The following TMEM132D variants were observed in gnomAD, a reference collection of about 807,000 sequenced individuals.
The protein encoded by TMEM132D is mature OL transmembrane protein.
In TMEM132D, 21 loss-of-function variants were observed where a neutral mutation model predicts 62.3. The observed-to-expected ratio is 0.34, with a 90% CI of 0.24 to 0.49. TMEM132D has a LOEUF of 0.49. TMEM132D is among the 20% of genes least tolerant of loss of function. The pLI, the probability that TMEM132D is intolerant of heterozygous loss-of-function variation, is 0.99. For missense variants in TMEM132D, 1,346 were observed against 1,402.8 expected (o/e 0.96, Z 0.65); for synonymous variants, 621 against 575.6 (o/e 1.08, Z -1.13).
chr12:129,425,313 T>C (rs906675078), intron 3 of TMEM132D, among the ~76,000 whole-genome samples: 3 of 152,158 alleles, frequency 2.0e-5, no homozygotes, highest in Non-Finnish European at 4.4e-5. Context: ...TATTTAATGT[T>C]TTAAGAAACT....
At chr12:129,204,103 C>T (rs527513278) in intron 5 of TMEM132D, among the ~76,000 whole-genome samples, 1 of 152,300 alleles carries the variant, frequency 6.6e-6, no homozygotes, top group South Asian at 2.1e-4. Flanking sequence ...CACAAAAACT[C>T]TGGCAACTGA....
intron 3 of TMEM132D, among the ~76,000 whole-genome samples, chr12:129,420,304 C>CTGTTTTTTTTT (rs1566063046): frequency 2.9e-5 from 2 of 69,888 alleles, no homozygotes; most frequent in African/African-American, 1.3e-4. Flanking sequence ...TGCACGTTCT[C>CTGTTTTTTTTT]TGTTTTTTTT....
rs11060144 is a variant in TMEM132D at position 129,117,077 on chromosome 12, A to G, written c.1444-32375T>C. Among the ~76,000 whole-genome samples the G allele has an allele frequency of 6.9e-3, 1,044 of 152,314 alleles. 8 individuals are homozygous for G. The highest frequency in any genetic ancestry group is 0.024 in the African/African-American group (979 of 41,556). On this transcript the variant is annotated intron_variant, in intron 5 of 8. Transcript: ENST00000422113. ...ATATAATGGAACATTATTAATTGAT[A>G]AAAGGAAATGAATTGTTAAACCAAG...
intron 3 of TMEM132D, among the ~76,000 whole-genome samples, chr12:129,432,680 T>A (rs1872694363): frequency 6.6e-6 from 1 of 152,226 alleles, no homozygotes; most frequent in South Asian, 2.1e-4. Context: ...TTAATTAATT[T>A]AAAAAATACT....
Position 129,282,811 on chromosome 12 carries a change from CA to C in TMEM132D, c.1299+54822del, listed in dbSNP as rs575792343. Among the ~76,000 whole-genome samples the C allele has an allele frequency of 2.2e-3, 328 of 152,272 alleles. 1 individual carries two copies. The highest frequency in any genetic ancestry group is 7.5e-3 in the African/African-American group (311 of 41,554). Reference sequence around the variant, plus strand: ...ATGATAATCTATTGGAGGACATAGCCAAAAGCACAGGCAATGGAAAAGAAAG... The same window carrying C: ...ATGATAATCTATTGGAGGACATAGCCAAAGCACAGGCAATGGAAAAGAAAG... On this transcript the variant is annotated intron_variant, in intron 4 of 8. Coordinates refer to ENST00000422113, the MANE Select transcript of TMEM132D (RefSeq NM_133448.3).
At chr12:129,357,175 A>C (rs1870090872) in intron 3 of TMEM132D, among the ~76,000 whole-genome samples, 1 of 147,908 alleles carries the variant, frequency 6.8e-6, no homozygotes, top group African/African-American at 2.5e-5. Context: ...TGGACCCAGG[A>C]GGTGGAGCTT....
intron 4 of TMEM132D, among the ~76,000 whole-genome samples, chr12:129,279,163 C>A (rs1245322217): frequency 6.6e-6 from 1 of 152,212 alleles, no homozygotes; most frequent in Non-Finnish European, 1.5e-5. Context: ...ATTTCTGACT[C>A]ATGGGACGGC....
intron 2 of TMEM132D, among the ~76,000 whole-genome samples, chr12:129,590,611 G>A (rs181806625): frequency 6.6e-6 from 1 of 152,304 alleles, no homozygotes; most frequent in East Asian, 1.9e-4. Context: ...TCAGAAGAAA[G>A]TTGCATCTGC....
At chr12:129,841,937 T>G (rs1377980816) in intron 1 of TMEM132D, among the ~76,000 whole-genome samples, 4 of 150,352 alleles carry the variant, frequency 2.7e-5, no homozygotes, top group South Asian at 2.1e-4. Context: ...TTTCGTGTTT[T>G]TTTTTTTTTT....
At chr12:129,541,449 T>C (rs1385866919) in intron 2 of TMEM132D, among the ~76,000 whole-genome samples, 1 of 152,130 alleles carries the variant, frequency 6.6e-6, no homozygotes, top group Admixed American at 6.5e-5. Context: ...GTTTTCTCAT[T>C]TGGAAAAACA....
chr12:129,723,297 C>G (rs879411336), intron 1 of TMEM132D, among the ~76,000 whole-genome samples: 2 of 152,184 alleles, frequency 1.3e-5, no homozygotes, highest in Non-Finnish European at 2.9e-5. Flanking sequence ...GCAGCCAGCT[C>G]TTTAGTACCT....
chr12:129,877,213 C>T (rs114411639), intron 1 of TMEM132D, among the ~76,000 whole-genome samples: 1,977 of 124,012 alleles, frequency 0.016, 43 homozygotes, highest in African/African-American at 0.052. Flanking sequence ...TATATTAAAA[C>T]TATTAATATT....
chr12:129,636,410 T>C (rs1593099293), intron 2 of TMEM132D, among the ~76,000 whole-genome samples: 1 of 152,334 alleles, frequency 6.6e-6, no homozygotes, highest in African/African-American at 2.4e-5. Context: ...GTTTGTTTTC[T>C]CAGTGTTTAT....
At chr12:129,641,853 G>C (rs940414686) in intron 2 of TMEM132D, among the ~76,000 whole-genome samples, 1 of 152,126 alleles carries the variant, frequency 6.6e-6, no homozygotes, top group Non-Finnish European at 1.5e-5. Context: ...CTGCAGCAGC[G>C]CATCTGAAGG....
chr12:129,470,996 G>T (rs765114239), intron 3 of TMEM132D, among the ~76,000 whole-genome samples: 5 of 152,142 alleles, frequency 3.3e-5, no homozygotes, highest in Non-Finnish European at 7.3e-5. Flanking sequence ...ATGGGTGCAT[G>T]AGCATTTCTG....
chr12:129,710,471 A>AT (rs1194220747), intron 1 of TMEM132D, among the ~76,000 whole-genome samples: 1 of 151,756 alleles, frequency 6.6e-6, no homozygotes, highest in Non-Finnish European at 1.5e-5. Flanking sequence ...AATTTTTTGT[A>AT]TTTTTAGTAG....
chr12:129,200,022 G>T (rs937270128), intron 5 of TMEM132D, among the ~76,000 whole-genome samples: 2 of 152,100 alleles, frequency 1.3e-5, no homozygotes, highest in African/African-American at 4.8e-5. Context: ...ATAGAATGCC[G>T]TGATTAAAAA....
rs1176254365 is a variant in TMEM132D at position 129,073,970 on chromosome 12, T to A, written c.3205A>T (p.Ser1069Cys). 5.6e-6 allele frequency: 9 copies of A among 1,613,566 alleles called. No homozygotes were observed. The highest frequency in any genetic ancestry group is 7.6e-6 in the Non-Finnish European group (9 of 1,179,664). Residue 1069 changes from serine to cysteine, a missense_variant, in exon 9 of 9, where the codon AGC becomes TGC. Physicochemically the swap from Ser to Cys is moderately radical, Grantham distance 112. Coordinates refer to ENST00000422113, the MANE Select transcript of TMEM132D (RefSeq NM_133448.3). ...YPTRNSIVMS[S>C]EDDIKWVCQD... ...CAGACCCACTTAATGTCATCCTCGC[T>A]ACTCATCACGATGGAGTTCCTGGTG... is the stretch of plus-strand genomic sequence containing the variant.
chr12:129,121,045 T>C (rs1454849339), intron 5 of TMEM132D, among the ~76,000 whole-genome samples: 2 of 152,074 alleles, frequency 1.3e-5, no homozygotes, highest in East Asian at 3.9e-4. Flanking sequence ...GTAAGGCTGC[T>C]GAGGGAATTA....
Sources: allele counts gnomAD v4.1 joint callset (sites outside exome capture counted in the v4.1 genomes callset), GRCh38; gene constraint gnomAD v4.1.1; transcripts MANE v1.5; gene names NCBI Gene and HGNC (gene_info 2026-07-23, HGNC 2026-07-21).